CRLF1: variants seen among roughly 807,000 people sequenced by gnomAD.
CRLF1 encodes the protein cytokine receptor like factor 1.
In CRLF1, 36 loss-of-function variants were observed where a neutral mutation model predicts 48.9. The ratio of observed to expected loss-of-function variants is 0.74; its 90% confidence interval spans 0.56 to 0.97. The LOEUF is 0.97. Ranked by LOEUF, CRLF1 falls within the 50% of genes least tolerant of loss-of-function variation. The probability of loss-of-function intolerance (pLI) is 0.00; values close to 1 mark genes in which losing one functional copy is unlikely to be tolerated. For synonymous variants in CRLF1, 256 were observed against 253.4 expected (o/e 1.01, Z -0.10); for missense variants, 534 against 575.1 (o/e 0.93, Z 0.73).
intron 8 of CRLF1, 35 bp downstream of exon 8, chr19:18,594,030 G>GGGGGGGGC: frequency 6.1e-6 from 8 of 1,315,278 alleles, no homozygotes; most frequent in Non-Finnish European, 7.4e-6. Flanking sequence ...CCCTCCCCTT[G>GGGGGGGGC]CTCCCTCCCG....
At chr19:18,594,029 T>TTCGTGG in intron 8 of CRLF1, 36 bp downstream of exon 8, 15 of 1,366,604 alleles carry the variant, frequency 1.1e-5, no homozygotes, top group Non-Finnish European at 1.4e-5. Context: ...GCCCTCCCCT[T>TTCGTGG]GCTCCCTCCC....
At chr19:18,594,032 T>TTGGGCACC in intron 8 of CRLF1, 33 bp downstream of exon 8, 3 of 695,804 alleles carry the variant, frequency 4.3e-6, no homozygotes, top group Non-Finnish European at 6.6e-6. Flanking sequence ...CTCCCCTTGC[T>TTGGGCACC]CCCTCCCGCC....
At chr19:18,596,845 C>T (rs1976142101) in intron 5 of CRLF1, 47 bp downstream of exon 5, 3 of 1,602,482 alleles carry the variant, frequency 1.9e-6, no homozygotes, top group Middle Eastern at 1.7e-4. Context: ...GGAGCGGGGG[C>T]GGGGCCTGGA....
chr19:18,598,986 G>A, intron 2 of CRLF1, 85 bp from the exon 3 acceptor site: 1 of 1,579,824 alleles, frequency 6.3e-7, no homozygotes, highest in Admixed American at 1.7e-5. Context: ...CACCCACCAG[G>A]CCCCCACCTT....
At chr19:18,603,115 C>A (rs1430588984) in intron 1 of CRLF1, among the ~76,000 whole-genome samples, 1 of 152,258 alleles carries the variant, frequency 6.6e-6, no homozygotes, top group Non-Finnish European at 1.5e-5. Flanking sequence ...TTCATCTATT[C>A]ATTCACAGGG....
At chr19:18,593,987 G>C in intron 8 of CRLF1, 78 bp downstream of exon 8, 1 of 1,525,330 alleles carries the variant, frequency 6.6e-7, no homozygotes, top group South Asian at 1.2e-5. Context: ...GAGGCGTGGG[G>C]GTGTGAACAA....
Position 18,598,380 on chromosome 19 carries a change from G to A in CRLF1, c.697+52C>T, listed in dbSNP as rs551037764. ...GTGCAGGGGACCCCTCGGGATGCTC[G>A]GTGGGTGGGGCTGGTGCCGAGGGAG... is the stretch of plus-strand genomic sequence containing the variant. On this transcript the variant is annotated intron_variant, in intron 4 of 8. Coordinates refer to ENST00000392386, the MANE Select transcript of CRLF1 (RefSeq NM_004750.5). 5.7e-5 allele frequency: 90 copies of A among 1,567,382 alleles called. 3 individuals are homozygous for A. The South Asian group carries it at 7.7e-4, about 13-fold the overall frequency.
At chr19:18,601,514 A>G (rs934638020) in intron 1 of CRLF1, among the ~76,000 whole-genome samples, 3 of 152,070 alleles carry the variant, frequency 2.0e-5, no homozygotes, top group Admixed American at 1.3e-4. Flanking sequence ...TGACCTTGTG[A>G]TCCGCCTGCC....
intron 8 of CRLF1, 33 bp downstream of exon 8, chr19:18,594,032 T>TTGGGGCCA: frequency 1.4e-6 from 1 of 695,812 alleles, no homozygotes; most frequent in Non-Finnish European, 2.2e-6. Flanking sequence ...CTCCCCTTGC[T>TTGGGGCCA]CCCTCCCGCC....
intron 2 of CRLF1, 37 bp downstream of exon 2, chr19:18,599,528 A>G: frequency 6.2e-7 from 1 of 1,611,336 alleles, no homozygotes; most frequent in Admixed American, 1.7e-5. Flanking sequence ...TGCCGCTCCC[A>G]AGAGCTACCC....
chr19:18,599,054 A>T, intron 2 of CRLF1, 153 bp from the exon 3 acceptor site: 1 of 985,326 alleles, frequency 1.0e-6, no homozygotes, highest in Non-Finnish European at 1.2e-6. Context: ...ATGCCAGCAC[A>T]GTTGGTGTGA....
chr19:18,599,273 G>A (rs1195323597), intron 2 of CRLF1: 1 of 334,328 alleles, frequency 3.0e-6, no homozygotes, highest in Admixed American at 6.5e-5. Context: ...GCCTGGCTAA[G>A]TATTGTATTT....
Position 18,606,579 on chromosome 19 carries a change from GAGC to G in CRLF1, c.75_77del (p.Leu26del), listed in dbSNP as rs34503316. On this transcript the variant is annotated inframe_deletion, in exon 1 of 9. Coordinates refer to ENST00000392386, the MANE Select transcript of CRLF1 (RefSeq NM_004750.5). This position sits in a 1 kb window ranked among gnomAD's most constrained non-coding sequence, Gnocchi z 4.8. The stretch of plus-strand genomic sequence containing the variant: ...CGGCTCGCGGCGCCCCGAGGACGCA[GAGC>G]AGCAGCAGCAGGGGCAGCAACGGCG... The G allele has an allele frequency of 0.21, 237,533 of 1,139,378 alleles. 26,591 individuals are homozygous for G. Among genetic ancestry groups the G allele is most frequent in the East Asian group, 0.5 (11,527 of 23,118 alleles). The allele number at this position is 1,139,378 out of a possible 1,614,324, so 70.6% of individuals were successfully genotyped here. A position where few individuals can be genotyped will look rare whatever the true frequency, so the allele number is the denominator to read the frequency against.
In CRLF1 at chr19:18,598,675, G is replaced by T; in HGVS notation, c.528-74C>A. ...CCAGACCTCACCATGGCAGCCTCAG[G>T]GTGCAGACAACACATGGGGGCTCAG... On this transcript the variant is annotated intron_variant, in intron 3 of 8. Coordinates refer to ENST00000392386, the MANE Select transcript of CRLF1 (RefSeq NM_004750.5). The T allele has an allele frequency of 1.9e-6, 3 of 1,613,690 alleles. No homozygotes were observed. The South Asian group carries it at 3.3e-5, about 18-fold the overall frequency.
intron 1 of CRLF1, among the ~76,000 whole-genome samples, chr19:18,604,193 G>A (rs2145336795): frequency 6.6e-6 from 1 of 152,302 alleles, no homozygotes; most frequent in Non-Finnish European, 1.5e-5. Flanking sequence ...CTGCCCCTCT[G>A]CCACACCCGC....
At chr19:18,604,263 C>T (rs1296791748) in intron 1 of CRLF1, among the ~76,000 whole-genome samples, 6 of 152,068 alleles carry the variant, frequency 3.9e-5, no homozygotes, top group Non-Finnish European at 8.8e-5. Flanking sequence ...CGGGGCTGGG[C>T]GGGGGACACC....
intron 8 of CRLF1, 106 bp downstream of exon 8, chr19:18,593,959 C>T (rs1356864451): frequency 1.3e-6 from 2 of 1,506,296 alleles, no homozygotes; most frequent in African/African-American, 2.8e-5. Flanking sequence ...ATCTCAGCGA[C>T]TCTAAGGCTG....
Position 18,606,485 on chromosome 19 carries a change from C to G in CRLF1, c.115+57G>C. The G allele has an allele frequency of 2.7e-6, 3 of 1,097,468 alleles. No individual in the cohort carries two copies. Among genetic ancestry groups the G allele is most frequent in the Non-Finnish European group, 2.2e-6 (2 of 901,270 alleles). The allele number at this position is 1,097,468 out of a possible 1,614,324, so 68.0% of individuals were successfully genotyped here. A position where few individuals can be genotyped will look rare whatever the true frequency, so the allele number is the denominator to read the frequency against. On this transcript the variant is annotated intron_variant, in intron 1 of 8. Coordinates refer to ENST00000392386, the MANE Select transcript of CRLF1 (RefSeq NM_004750.5). This position sits in a 1 kb window ranked among gnomAD's most constrained non-coding sequence, Gnocchi z 4.8. ...CGCCCCCTCCCCCCGCGGCTGCCCC[C>G]GGGGCGCCCGCCCTCTGCTCTGGCA...
rs1355493095 is a variant in CRLF1 at position 18,598,574 on chromosome 19, C to T, written c.555G>A (p.Glu185=). Residue 185 remains glutamate, a synonymous_variant, in exon 4 of 9, where the codon GAG becomes GAA. Coordinates refer to ENST00000392386, the MANE Select transcript of CRLF1 (RefSeq NM_004750.5). ...LRWYGQDNTC[E]EYHTVGPHSC... is the part of the protein sequence containing the mutation. ...AGTGGGGCCCCACTGTGTGGTACTC[C>T]TCACATGTGTTGTCCTGGCCATACC... 3.1e-6 allele frequency: 5 copies of T among 1,613,950 alleles called. No individual in the cohort carries two copies. The African/African-American group carries it at 5.3e-5, about 17-fold the overall frequency.
Sources: allele counts gnomAD v4.1 joint callset (sites outside exome capture counted in the v4.1 genomes callset), GRCh38; gene constraint gnomAD v4.1.1; non-coding constraint Gnocchi (gnomAD v3.1); transcripts MANE v1.5; gene names NCBI Gene and HGNC (gene_info 2026-07-23, HGNC 2026-07-21).